Variants in SNX25 observed in about 807,000 individuals in gnomAD.
The protein encoded by SNX25 is sorting nexin-25.
Under a neutral mutation model 113.7 loss-of-function variants are expected in SNX25, and 62 were observed. The observed-to-expected ratio is 0.55, with a 90% CI of 0.44 to 0.67. The LOEUF (loss-of-function observed/expected upper bound fraction) is 0.67, where lower values mean the gene tolerates loss of function less well. Among genes scored for constraint, SNX25 ranks in the 30% least tolerant of loss-of-function variants. The pLI is 0.00. For missense variants in SNX25, 1,014 were observed against 1,161.0 expected, an observed-to-expected ratio of 0.87 and a Z score of 1.84; for synonymous variants, 421 against 436.2, an observed-to-expected ratio of 0.97 and a Z score of 0.43.
At chr4:185,349,734 G>C (rs1467179488) in intron 13 of SNX25, among the ~76,000 whole-genome samples, 1 of 152,124 alleles carries the variant, frequency 6.6e-6, no homozygotes, top group Non-Finnish European at 1.5e-5. Flanking sequence ...ATTATTGTGT[G>C]TGTGTGTGTT....
Position 185,323,695 on chromosome 4 carries a change from G to A in SNX25, c.1644G>A (p.Lys548=), listed in dbSNP as rs2126690409. The A allele has an allele frequency of 1.2e-6, 2 of 1,613,670 alleles. No individual in the cohort carries two copies. The highest frequency in any genetic ancestry group is 4.5e-5 in the East Asian group (2 of 44,784). Residue 548 remains lysine (K), a synonymous_variant, in exon 9 of 19, where the codon AAG becomes AAA. Transcript: ENST00000652585. The part of the protein sequence containing the change: ...KIQEDVYETL[K]DRYYPSFIVS... ...AGGAAGATGTTTATGAGACCCTAAA[G>A]GATAGGTATTACCCTTCATTTATTG...
upstream of SNX25, chr4:185,209,213 G>C (rs2111455950): frequency 6.6e-6 from 1 of 152,354 alleles, no homozygotes; most frequent in Non-Finnish European, 1.5e-5. The surrounding 1 kb of genome is among the most constrained non-coding windows in gnomAD (Gnocchi z 5.2). Flanking sequence ...TCTCGGGAAC[G>C]GTTGCCTATT....
intron 6 of SNX25, among the ~76,000 whole-genome samples, chr4:185,308,320 A>C (rs919429757): frequency 6.6e-6 from 1 of 152,214 alleles, no homozygotes; most frequent in Non-Finnish European, 1.5e-5. Flanking sequence ...AATTTGAAAA[A>C]ATATTTGCTT....
chr4:185,333,886 A>T (rs2095212687), intron 10 of SNX25, among the ~76,000 whole-genome samples: 2 of 151,708 alleles, frequency 1.3e-5, no homozygotes, highest in South Asian at 4.2e-4. Flanking sequence ...TCTAGTAAAA[A>T]TAAAAAAAAA....
At chr4:185,354,567 A>T (rs927360359) in intron 15 of SNX25, among the ~76,000 whole-genome samples, 2 of 152,200 alleles carry the variant, frequency 1.3e-5, no homozygotes, top group South Asian at 4.1e-4. Context: ...GGAGTTGAGA[A>T]ATCCTACCCT....
At chr4:185,208,018 AGGGTACACTTTGAGGGGCTCCAATT>A (rs568732633), upstream of SNX25, among the ~76,000 whole-genome samples, 6 of 152,342 alleles carry the variant, frequency 3.9e-5, no homozygotes, top group East Asian at 1.2e-3. Context: ...TTGGGTTGGT[AGGGTACACTTTGAGGGGCTCCAATT>A]GGGTGAAAAT....
chr4:185,291,657 G>A lies in SNX25; in HGVS notation c.1162+3575G>A, dbSNP rs151256811. Among the ~76,000 whole-genome samples, 636 of 152,312 alleles carry A rather than the reference G, an allele frequency of 4.2e-3. 6 individuals carry two copies. Among genetic ancestry groups the A allele is most frequent in the African/African-American group, 0.014 (581 of 41,562 alleles). On this transcript the variant is annotated intron_variant, in intron 6 of 18. Coordinates refer to ENST00000652585, the MANE Select transcript of SNX25 (RefSeq NM_001378034.2). The stretch of plus-strand genomic sequence containing the variant: ...TGTCTGTGCCTTAGCTTTCCATGTT[G>A]CTGGCAATCCTTGGTGTTCCCTGGC...
intron 1 of SNX25, among the ~76,000 whole-genome samples, chr4:185,227,989 T>G: frequency 6.7e-6 from 1 of 150,152 alleles, no homozygotes; most frequent in East Asian, 2.0e-4. Flanking sequence ...GCTCAGAGAG[T>G]AAGAGGGAGC....
rs368158401 is a variant in SNX25 at position 185,293,448 on chromosome 4, G to T, written c.1162+5366G>T. 3.9e-5 allele frequency among the ~76,000 whole-genome samples: 6 copies of T among 152,064 alleles called. No individual in the cohort carries two copies. The South Asian group carries it at 6.2e-4, about 16-fold the overall frequency. On this transcript the variant is annotated intron_variant, in intron 6 of 18. Coordinates refer to ENST00000652585, the MANE Select transcript of SNX25 (RefSeq NM_001378034.2). ...AGGGAGTATTATTCAACAATAAAAA[G>T]GAATAAACCTTGAAAACCATATGCT... is the stretch of plus-strand genomic sequence containing the variant.
chr4:185,346,672 G>A, intron 13 of SNX25, 22 bp downstream of exon 13: 1 of 1,450,364 alleles, frequency 6.9e-7, no homozygotes, highest in Non-Finnish European at 9.4e-7. Context: ...AAAAATGTGG[G>A]ATATGAGAGA....
chr4:185,314,751 G>A (rs535089310), intron 7 of SNX25, among the ~76,000 whole-genome samples: 26 of 150,950 alleles, frequency 1.7e-4, no homozygotes, highest in African/African-American at 5.6e-4. Flanking sequence ...CCAGGTACTC[G>A]GGAGGCTGCG....
chr4:185,273,751 A>G (rs1749268571), intron 5 of SNX25, among the ~76,000 whole-genome samples: 1 of 152,138 alleles, frequency 6.6e-6, no homozygotes, highest in South Asian at 2.1e-4. Context: ...TTCCACATGT[A>G]CGTGAGATGA....
intron 1 of SNX25, among the ~76,000 whole-genome samples, chr4:185,221,451 G>A (rs570118517): frequency 6.6e-6 from 1 of 152,202 alleles, no homozygotes; most frequent in South Asian, 2.1e-4. Flanking sequence ...TTGGATTACA[G>A]GGGTGCCTGC....
intron 10 of SNX25, among the ~76,000 whole-genome samples, chr4:185,335,776 A>C (rs2095226253): frequency 6.6e-6 from 1 of 152,218 alleles, no homozygotes; most frequent in Non-Finnish European, 1.5e-5. Flanking sequence ...GTGATGAGTA[A>C]ATGCATGGTG....
intron 5 of SNX25, among the ~76,000 whole-genome samples, chr4:185,283,114 G>A (rs1481153738): frequency 6.6e-6 from 1 of 152,188 alleles, no homozygotes; most frequent in East Asian, 1.9e-4. Context: ...AAGGTCTGGT[G>A]AGTACTAAGA....
At chr4:185,289,754 A>C (rs1476322038) in intron 6 of SNX25, among the ~76,000 whole-genome samples, 1 of 152,230 alleles carries the variant, frequency 6.6e-6, no homozygotes, top group Non-Finnish European at 1.5e-5. Flanking sequence ...GAAAGAGAAC[A>C]CTGGAGAGGT....
At chr4:185,265,271 TATC>T (rs1747897884) in intron 4 of SNX25, among the ~76,000 whole-genome samples, 1 of 152,350 alleles carries the variant, frequency 6.6e-6, no homozygotes, top group African/African-American at 2.4e-5. Flanking sequence ...ATTGTGCAAA[TATC>T]ATAGAGTGTA....
chr4:185,320,217 G>A (rs539960266), intron 7 of SNX25, among the ~76,000 whole-genome samples: 83 of 152,294 alleles, frequency 5.4e-4, no homozygotes, highest in African/African-American at 1.6e-3. Context: ...CAAAGTCATG[G>A]AAGCAGCCCA....
Position 185,212,491 on chromosome 4 carries a change from G to GTGTTTGTTTTTTTTTT in SNX25, c.429+2237_429+2238insGTTTGTTTTTTTTTTT, listed in dbSNP as rs546083196. Reference sequence around the variant, plus strand: ...TGTGTGTGTGTGTGTGTGTGTGTGTGTTTTTTTTTTTTTTTGCTTTGAGAC... The same window carrying GTGTTTGTTTTTTTTTT: ...TGTGTGTGTGTGTGTGTGTGTGTGTGTGTTTGTTTTTTTTTTTTTTTTTTTTTTTTTGCTTTGAGAC... On this transcript the variant is annotated intron_variant, in intron 1 of 18. Coordinates refer to ENST00000652585, the MANE Select transcript of SNX25 (RefSeq NM_001378034.2). 1.9e-5 allele frequency among the ~76,000 whole-genome samples: 2 copies of GTGTTTGTTTTTTTTTT among 104,942 alleles called. 1 individual carries two copies. Among genetic ancestry groups the GTGTTTGTTTTTTTTTT allele is most frequent in the Admixed American group, 2.1e-4 (2 of 9,432 alleles). 68.8% of individuals were successfully genotyped at this position (104,942 alleles called of 152,430 possible).
Sources: allele counts gnomAD v4.1 joint callset (sites outside exome capture counted in the v4.1 genomes callset), GRCh38; gene constraint gnomAD v4.1.1; non-coding constraint Gnocchi (gnomAD v3.1); transcripts MANE v1.5; gene names NCBI Gene and HGNC (gene_info 2026-07-23, HGNC 2026-07-21).